CORIN: variants seen among roughly 807,000 people sequenced by gnomAD.
The protein encoded by CORIN is atrial natriuretic peptide-converting enzyme.
In CORIN, 117 loss-of-function variants were observed where a neutral mutation model predicts 125.3. The ratio of observed to expected loss-of-function variants is 0.93; its 90% CI spans 0.80 to 1.09. CORIN has a LOEUF of 1.09. Among genes scored for constraint, CORIN ranks in the 50% least tolerant of loss-of-function variants. The pLI, the probability that CORIN is intolerant of heterozygous loss-of-function variation, is 0.00. For missense variants in CORIN, 1,253 were observed against 1,306.7 expected (o/e 0.96, Z 0.63); for synonymous variants, 450 against 466.4 (o/e 0.96, Z 0.45).
chr4:47,778,314 A>T (rs1216064203), intron 3 of CORIN, among the ~76,000 whole-genome samples: 1 of 152,150 alleles, frequency 6.6e-6, no homozygotes, highest in East Asian at 1.9e-4. Context: ...ATATTGCAGG[A>T]TTCATTTAGG....
chr4:47,752,594 G>A (rs143320025), intron 4 of CORIN, among the ~76,000 whole-genome samples: 2 of 152,266 alleles, frequency 1.3e-5, no homozygotes, highest in African/African-American at 2.4e-5. Flanking sequence ...AGAGTTAAAT[G>A]TCAGTAAAAC....
At chr4:47,596,805 A>T (rs1317524151) in intron 21 of CORIN, among the ~76,000 whole-genome samples, 1 of 152,252 alleles carries the variant, frequency 6.6e-6, no homozygotes, top group Non-Finnish European at 1.5e-5. Flanking sequence ...GTTGAAGAAC[A>T]TAGGACTAAT....
rs191759966 is a variant in CORIN at position 47,783,482 on chromosome 4, C to T, written c.409+3243G>A. Among the ~76,000 whole-genome samples, 279 of 151,970 alleles carry T rather than the reference C, an allele frequency of 1.8e-3. 2 individuals carry two copies. Among genetic ancestry groups the T allele is most frequent in the African/African-American group, 6.1e-3 (253 of 41,440 alleles). On this transcript the variant is annotated intron_variant, in intron 3 of 21. Transcript: ENST00000273857. ...ATGTCTTGGCATGACATGAAGAACC[C>T]CCAAGAAAAATGTCTTAGGGAAAGA... is the stretch of plus-strand genomic sequence containing the variant.
intron 3 of CORIN, among the ~76,000 whole-genome samples, chr4:47,781,282 C>T (rs577157912): frequency 1.3e-5 from 2 of 152,214 alleles, no homozygotes; most frequent in East Asian, 3.9e-4. Context: ...AGTGGGATGA[C>T]TCACTTATGA....
chr4:47,608,135 G>A (rs1486678626), intron 19 of CORIN, among the ~76,000 whole-genome samples: 1 of 151,686 alleles, frequency 6.6e-6, no homozygotes, highest in Admixed American at 6.6e-5. Flanking sequence ...AGCCTGGCCA[G>A]CATGGCAAAA....
Position 47,706,664 on chromosome 4 carries a change from CTTCA to C in CORIN, c.800-13585_800-13582del, listed in dbSNP as rs1223893336. 18 of 1,610,474 alleles carry C rather than the reference CTTCA, an allele frequency of 1.1e-5. No homozygotes were observed. In the African/African-American group the frequency reaches 2.1e-4, roughly 19 times the overall value. On this transcript the variant is annotated intron_variant, in intron 5 of 21. Transcript: ENST00000273857. The stretch of plus-strand genomic sequence containing the variant: ...AACCAGCTAAAATTTTGCTCGAAGC[CTTCA>C]GTCCGTTGCGGAGGAGCGAGCTGGA...
At chr4:47,775,108 C>T (rs886400615) in intron 3 of CORIN, among the ~76,000 whole-genome samples, 1 of 152,090 alleles carries the variant, frequency 6.6e-6, no homozygotes, top group Non-Finnish European at 1.5e-5. Flanking sequence ...AGAGATAGGA[C>T]AAGATGGCTG....
At chr4:47,698,501 A>G (rs995689081) in intron 5 of CORIN, among the ~76,000 whole-genome samples, 1 of 151,968 alleles carries the variant, frequency 6.6e-6, no homozygotes, top group Non-Finnish European at 1.5e-5. Context: ...GAGGCCAAGC[A>G]GAAGGGAGGG....
intron 5 of CORIN, among the ~76,000 whole-genome samples, chr4:47,721,362 T>A (rs533455184): frequency 1.1e-4 from 17 of 151,920 alleles, no homozygotes; most frequent in African/African-American, 4.1e-4. Context: ...CTCCACCTCC[T>A]GGGTTCAAGT....
At chr4:47,701,612 A>G (rs1726295754) in intron 5 of CORIN, among the ~76,000 whole-genome samples, 1 of 152,214 alleles carries the variant, frequency 6.6e-6, no homozygotes, top group African/African-American at 2.4e-5. Flanking sequence ...TTTCCATGTC[A>G]TCATTCAACA....
intron 19 of CORIN, among the ~76,000 whole-genome samples, chr4:47,607,233 C>A (rs1486507637): frequency 2.0e-5 from 3 of 151,894 alleles, no homozygotes; most frequent in Non-Finnish European, 1.5e-5. Context: ...GCGGTGAAAC[C>A]CCGTCTCTAC....
chr4:47,603,862 T>C (rs867565929), intron 19 of CORIN, among the ~76,000 whole-genome samples, 194 bp from the exon 20 acceptor site: 3 of 152,204 alleles, frequency 2.0e-5, no homozygotes, highest in Admixed American at 6.5e-5. Flanking sequence ...GCAGAAAGCA[T>C]AGCTCATGAT....
At chr4:47,706,724 T>C in intron 5 of CORIN, 1 of 1,604,808 alleles carries the variant, frequency 6.2e-7, no homozygotes, top group Non-Finnish European at 8.5e-7. Context: ...AGTCCTGAAT[T>C]CTTACTGGGT....
chr4:47,683,350 G>A (rs1286322027), intron 7 of CORIN: 1 of 173,630 alleles, frequency 5.8e-6, no homozygotes, highest in Admixed American at 5.7e-5. Flanking sequence ...ATGTACCAAG[G>A]GAATCAGGCA....
chr4:47,790,228 T>A, intron 2 of CORIN: 1 of 985,026 alleles, frequency 1.0e-6, no homozygotes, highest in Non-Finnish European at 1.2e-6. Flanking sequence ...TACCTCTTCA[T>A]GGGGCTGGCT....
chr4:47,791,062 G>A (rs1383302566), intron 2 of CORIN, among the ~76,000 whole-genome samples: 1 of 152,136 alleles, frequency 6.6e-6, no homozygotes, highest in Non-Finnish European at 1.5e-5. Flanking sequence ...CCTAGAACCT[G>A]TGAATATTCT....
rs1002542965 is a variant in CORIN at position 47,648,636 on chromosome 4, CT to C, written c.1844-3443del. Among the ~76,000 whole-genome samples the C allele has an allele frequency of 2.6e-4, 39 of 152,262 alleles. 1 individual carries two copies. The highest frequency in any genetic ancestry group is 8.9e-4 in the African/African-American group (37 of 41,550). On this transcript the variant is annotated intron_variant, in intron 13 of 21. Coordinates refer to ENST00000273857, the MANE Select transcript of CORIN (RefSeq NM_006587.4). ...TCAGCAAATCACCTCAAAGCAGATG[CT>C]TTTTGTTCTGTAAGAATCTCTTAGC... is the stretch of plus-strand genomic sequence containing the variant.
chr4:47,755,189 T>A (rs538362438), intron 4 of CORIN, among the ~76,000 whole-genome samples: 2 of 152,334 alleles, frequency 1.3e-5, no homozygotes, highest in South Asian at 4.1e-4. Context: ...ATTCTATATT[T>A]ACACAAGTTT....
At chr4:47,602,361 A>G (rs2109507436) in intron 20 of CORIN, among the ~76,000 whole-genome samples, 1 of 152,264 alleles carries the variant, frequency 6.6e-6, no homozygotes, top group East Asian at 1.9e-4. Flanking sequence ...TAGAGTAAAT[A>G]CAGAGTACAC....
Sources: gnomAD v4.1 joint callset for allele counts (sites outside exome capture counted in the v4.1 genomes callset) on GRCh38, gnomAD v4.1.1 for gene constraint, MANE v1.5 for transcripts, NCBI Gene and HGNC (gene_info 2026-07-23, HGNC 2026-07-21) for gene names.